NAA60: variants seen among roughly 807,000 people sequenced by gnomAD.
NAA60 encodes N-alpha-acetyltransferase 60.
A neutral mutation model predicts 26.1 loss-of-function variants in NAA60; 8 were observed. That is an observed-to-expected ratio of 0.31 (90% CI 0.18 to 0.55). The LOEUF (loss-of-function observed/expected upper bound fraction) is 0.55, where lower values mean the gene tolerates loss of function less well. NAA60 is among the 20% of genes least tolerant of loss of function. NAA60 has a pLI of 0.93. For missense variants in NAA60, 290 were observed against 311.3 expected (o/e 0.93, Z 0.51); for synonymous variants, 131 against 122.5 (o/e 1.07, Z -0.46).
At chr16:3,451,571 G>T (rs550444259) in intron 2 of NAA60, among the ~76,000 whole-genome samples, 3 of 152,170 alleles carry the variant, frequency 2.0e-5, no homozygotes, top group African/African-American at 2.4e-5. Flanking sequence ...AACTTACTGA[G>T]AAATGTGCAT....
intron 2 of NAA60, among the ~76,000 whole-genome samples, chr16:3,456,309 G>A (rs1470625813): frequency 1.3e-5 from 2 of 152,178 alleles, no homozygotes; most frequent in African/African-American, 4.8e-5. Flanking sequence ...TGATGCCGCT[G>A]CTCCTGGACC....
intron 2 of NAA60, among the ~76,000 whole-genome samples, chr16:3,456,207 G>C (rs2034986031): frequency 1.3e-5 from 2 of 152,188 alleles, no homozygotes; most frequent in Admixed American, 1.3e-4. Context: ...ACTCACATGG[G>C]GGTCTTGTTG....
At chr16:3,478,426 C>T (rs1454809598) in intron 3 of NAA60, among the ~76,000 whole-genome samples, 1 of 152,172 alleles carries the variant, frequency 6.6e-6, no homozygotes, top group Non-Finnish European at 1.5e-5. Context: ...CTGCAGTTCT[C>T]GTGGGCCTAA....
rs190823600 is a variant in NAA60 at position 3,451,183 on chromosome 16, G to C, written c.-7+2643G>C. ...TTTCCTTGGTCACCATTTGTACCCA[G>C]AATGGGGAAGGAAGAAATGAAAAGA... On this transcript the variant is annotated intron_variant, in intron 2 of 7. Coordinates refer to ENST00000407558, the MANE Select transcript of NAA60 (RefSeq NM_001083601.3). Among the ~76,000 whole-genome samples, 197 of 152,326 alleles carry C rather than the reference G, an allele frequency of 1.3e-3. 4 individuals are homozygous for C. In the South Asian group the frequency reaches 0.026, roughly 20 times the overall value.
intron 2 of NAA60, chr16:3,450,038 G>C (rs1596283632): frequency 9.6e-6 from 2 of 208,178 alleles, no homozygotes; most frequent in Non-Finnish European, 1.7e-5. Flanking sequence ...CTCAAAAAAA[G>C]AGAAAAGAAG....
intron 2 of NAA60, among the ~76,000 whole-genome samples, chr16:3,468,628 G>A (rs373965864): frequency 1.3e-5 from 2 of 152,216 alleles, no homozygotes; most frequent in African/African-American, 4.8e-5. Context: ...GCGCAAGCAC[G>A]GCTTTTGTTT....
At chr16:3,477,557 T>A (rs1567393390) in intron 3 of NAA60, among the ~76,000 whole-genome samples, 1 of 151,104 alleles carries the variant, frequency 6.6e-6, no homozygotes, top group African/African-American at 2.4e-5. Flanking sequence ...TCCCAGCACT[T>A]TGGGAGGCCA....
intron 2 of NAA60, among the ~76,000 whole-genome samples, chr16:3,454,316 G>T (rs559957139): frequency 6.6e-6 from 1 of 152,172 alleles, no homozygotes; most frequent in Non-Finnish European, 1.5e-5. Flanking sequence ...CCCACCACTG[G>T]GAGTGCCGTT....
rs1304441147 is a variant in NAA60, at chr16:3,451,917, C to CA, written c.-7+3388dup. 4.2e-3 allele frequency among the ~76,000 whole-genome samples: 586 copies of CA among 140,504 alleles called. 4 individuals are homozygous for CA. Among genetic ancestry groups the CA allele is most frequent in the African/African-American group, 8.4e-3 (321 of 38,040 alleles). The allele number at this position is 140,504 out of a possible 152,430, so 92.2% of individuals were successfully genotyped here. A position where few individuals can be genotyped will look rare whatever the true frequency, so the allele number is the denominator to read the frequency against. On this transcript the variant is annotated intron_variant, in intron 2 of 7. Transcript: ENST00000407558. The stretch of plus-strand genomic sequence containing the variant: ...TGGGGGACAGAGCAAGACCCTGTCT[C>CA]AAAAAAAAAAATGAGCATGGTGGCT...
intron 2 of NAA60, among the ~76,000 whole-genome samples, chr16:3,470,506 C>T (rs1306585041): frequency 2.0e-5 from 3 of 152,248 alleles, no homozygotes; most frequent in African/African-American, 7.2e-5. Flanking sequence ...CTCCCTCCAA[C>T]CAGCTCCACG....
At chr16:3,456,077 T>C (rs2034979544) in intron 2 of NAA60, among the ~76,000 whole-genome samples, 1 of 152,188 alleles carries the variant, frequency 6.6e-6, no homozygotes, top group African/African-American at 2.4e-5. Flanking sequence ...GTGCTGTATT[T>C]AGAACCCTGG....
At chr16:3,450,116 T>C (rs2034718089) in intron 2 of NAA60, 10 of 387,104 alleles carry the variant, frequency 2.6e-5, no homozygotes, top group Non-Finnish European at 2.7e-5. Context: ...GGCTCCTGAC[T>C]GAAAGGGTTT....
intron 2 of NAA60, among the ~76,000 whole-genome samples, chr16:3,453,175 T>C (rs767989784): frequency 6.6e-6 from 1 of 151,634 alleles, no homozygotes; most frequent in Non-Finnish European, 1.5e-5. Flanking sequence ...GGCAGGCAGA[T>C]TGCCTGAGCT....
chr16:3,481,420 C>T (rs2036823256), intron 4 of NAA60, among the ~76,000 whole-genome samples: 1 of 152,156 alleles, frequency 6.6e-6, no homozygotes, highest in Admixed American at 6.5e-5. Context: ...TGGTCCCCCC[C>T]TTCCCCCAAT....
intron 1 of NAA60, among the ~76,000 whole-genome samples, chr16:3,445,276 C>T (rs10451141): frequency 0.52 from 61,603 of 118,278 alleles, 15,368 homozygotes; most frequent in East Asian, 0.7. Flanking sequence ...GTGCTTATCT[C>T]TTTTTTTTTT....
chr16:3,446,778 T>G (rs776180505), intron 1 of NAA60, among the ~76,000 whole-genome samples: 2 of 151,958 alleles, frequency 1.3e-5, no homozygotes, highest in Non-Finnish European at 2.9e-5. Context: ...AACCATTTAA[T>G]TTTTGTATTT....
At chr16:3,456,622 TC>T (rs1428168328) in intron 2 of NAA60, 1 of 152,200 alleles carries the variant, frequency 6.6e-6, no homozygotes, top group Non-Finnish European at 1.5e-5. Context: ...CATAGCCTGA[TC>T]CTGCTGCAGG....
At chr16:3,478,336 C>T (rs2036613449) in intron 3 of NAA60, among the ~76,000 whole-genome samples, 1 of 152,120 alleles carries the variant, frequency 6.6e-6, no homozygotes, top group Non-Finnish European at 1.5e-5. Context: ...CAGACTCTGC[C>T]CAGGGTTGCC....
chr16:3,475,094 T>TTTTTC lies in NAA60; in HGVS notation c.-6-1124_-6-1123insCTTTT, dbSNP rs2036395934. Among the ~76,000 whole-genome samples the TTTTTC allele has an allele frequency of 5.1e-5, 3 of 59,082 alleles. No homozygotes were observed. In the South Asian group the frequency reaches 2.0e-3, roughly 39 times the overall value. The allele number at this position is 59,082 out of a possible 152,430, so 38.8% of individuals were successfully genotyped here. A position where few individuals can be genotyped will look rare whatever the true frequency, so the allele number is the denominator to read the frequency against. ...CCACACCCAGCCTTCCATCCTTTCC[T>TTTTTC]TTTTTTTTTTTTTGAGATGGAGTCT... On this transcript the variant is annotated intron_variant, in intron 2 of 7. Coordinates refer to ENST00000407558, the MANE Select transcript of NAA60 (RefSeq NM_001083601.3).
Sources: allele counts gnomAD v4.1 joint callset (sites outside exome capture counted in the v4.1 genomes callset), GRCh38; gene constraint gnomAD v4.1.1; transcripts MANE v1.5; gene names NCBI Gene and HGNC (gene_info 2026-07-23, HGNC 2026-07-21).